NIPBL: variants seen among roughly 807,000 people sequenced by gnomAD.
NIPBL encodes the protein nipped-B-like protein.
Under a neutral mutation model 321.8 loss-of-function variants are expected in NIPBL, and 19 were observed. The observed-to-expected ratio is 0.06, with a 90% CI of 0.04 to 0.09. The LOEUF is 0.09. NIPBL is among the 10% of genes least tolerant of loss of function. The probability of loss-of-function intolerance (pLI) is 1.00; values close to 1 mark genes in which losing one functional copy is unlikely to be tolerated. For synonymous variants in NIPBL, 1,106 were observed against 1,114.1 expected, an observed-to-expected ratio of 0.99 and a Z score of 0.14; for missense variants, 2,210 against 3,327.0, an observed-to-expected ratio of 0.66 and a Z score of 8.26.
At chr5:37,016,892 A>G (rs1327947509) in intron 23 of NIPBL, 127 bp from the exon 24 acceptor site, 7 of 675,368 alleles carry the variant, frequency 1.0e-5, no homozygotes, top group Non-Finnish European at 1.4e-5. Flanking sequence ...TTATGGGACA[A>G]TATCACAGGA....
rs1741603728 is a variant in NIPBL at position 36,961,365 on chromosome 5, A to T, written c.359-119A>T. The T allele has an allele frequency of 9.8e-6, 7 of 712,482 alleles. No individual in the cohort carries two copies. In the South Asian group the frequency reaches 1.1e-4, roughly 11 times the overall value. 44.1% of individuals were successfully genotyped at this position (712,482 alleles called of 1,614,324 possible). ...CAGCGTCTATATTTTGCTCTTTGAA[A>T]TGAAAACATTGATCAAAAAAATCTC... is the stretch of plus-strand genomic sequence containing the variant. On this transcript the variant is annotated intron_variant, in intron 4 of 46. Transcript: ENST00000282516.
rs761889572 is a variant in NIPBL at position 37,058,877 on chromosome 5, A to AT, written c.7411-8dup. On this transcript the variant is annotated splice_polypyrimidine_tract_variant and intron_variant, in intron 43 of 46. Coordinates refer to ENST00000282516, the MANE Select transcript of NIPBL (RefSeq NM_133433.4). ...TTTTGTTTTTATTGTTTATCAAACG[A>AT]TTTTTTCTTTCAGTCTATGGTAAAG... The AT allele has an allele frequency of 2.8e-5, 45 of 1,613,000 alleles. 1 individual carries two copies. In the South Asian group the frequency reaches 3.6e-4, roughly 13 times the overall value.
intron 10 of NIPBL, among the ~76,000 whole-genome samples, chr5:36,991,212 A>G (rs999569937): frequency 1.3e-5 from 2 of 152,128 alleles, no homozygotes; most frequent in African/African-American, 4.8e-5. Context: ...GAGAACTAAT[A>G]TCAAAACCCT....
chr5:36,960,195 T>C (rs1247950982), intron 4 of NIPBL, among the ~76,000 whole-genome samples: 1 of 152,174 alleles, frequency 6.6e-6, no homozygotes, highest in Non-Finnish European at 1.5e-5. Flanking sequence ...CATAGTTCTT[T>C]GGAACTTAGA....
Position 36,950,067 on chromosome 5 carries a change from AAC to A in NIPBL, c.-79-3549_-79-3548del, listed in dbSNP as rs1740100153. Among the ~76,000 whole-genome samples the A allele has an allele frequency of 2.0e-5, 3 of 152,130 alleles. No homozygotes were observed. The South Asian group carries it at 6.2e-4, about 32-fold the overall frequency. On this transcript the variant is annotated intron_variant, in intron 1 of 46. Coordinates refer to ENST00000282516, the MANE Select transcript of NIPBL (RefSeq NM_133433.4). ...TGTTCGATTTAGTTCTTAGTATTAC[AAC>A]AGTTAAATTTTTTTCTGCTTTCTGT... is the stretch of plus-strand genomic sequence containing the variant.
intron 2 of NIPBL, 111 bp from the exon 3 acceptor site, chr5:36,955,360 TA>T: frequency 4.3e-6 from 4 of 921,758 alleles, no homozygotes; most frequent in Non-Finnish European, 7.0e-6. Context: ...TGCCTTTTAA[TA>T]ATTTGTCACA....
chr5:36,979,758 A>G (rs941596448), intron 9 of NIPBL, among the ~76,000 whole-genome samples: 10 of 151,756 alleles, frequency 6.6e-5, no homozygotes, highest in African/African-American at 2.4e-4. Context: ...TTATAAAAGT[A>G]TACGCATATC....
In NIPBL at chr5:36,985,335, G is replaced by A; in HGVS notation, c.2155G>A (p.Asp719Asn). Residue 719 changes from aspartate to asparagine, a missense_variant, in exon 10 of 47, where the codon GAT becomes AAT. Asp to Asn is a conservative substitution (Grantham distance 23). This residue lies in a region of NIPBL where 588 missense variants were observed against 564.1 expected (regional missense o/e 1.04). Transcript: ENST00000282516. Reference sequence around the variant, plus strand: ...GCCTGAGACTCCAAAACAAAAGAGTGATGGGCATCCTGAAACCCCAAAACA... The same window carrying A: ...GCCTGAGACTCCAAAACAAAAGAGTAATGGGCATCCTGAAACCCCAAAACA... ...SRPETPKQKS[D>N]GHPETPKQKG... is the part of the protein sequence containing the mutation. 6.2e-7 allele frequency: 1 copy of A among 1,613,692 alleles called. No homozygotes were observed. The highest frequency in any genetic ancestry group is 8.5e-7 in the Non-Finnish European group (1 of 1,179,932).
At chr5:36,966,521 T>C (rs1375730934) in intron 6 of NIPBL, among the ~76,000 whole-genome samples, 2 of 152,050 alleles carry the variant, frequency 1.3e-5, no homozygotes, top group Non-Finnish European at 2.9e-5. Flanking sequence ...AACCTCTCTT[T>C]ATTGTAAAAG....
intron 32 of NIPBL, 100 bp downstream of exon 32, chr5:37,027,512 T>A: frequency 2.4e-6 from 2 of 836,826 alleles, no homozygotes. Context: ...AAAAGAACCT[T>A]TTTAGTTCTT....
At chr5:37,046,065 A>T (rs534509746) in intron 37 of NIPBL, 44 bp from the exon 38 acceptor site, 15 of 960,180 alleles carry the variant, frequency 1.6e-5, no homozygotes, top group Non-Finnish European at 2.4e-5. Context: ...AAATTAATCT[A>T]AGTTACTGTT....
At chr5:37,034,828 A>G (rs1353535550) in intron 32 of NIPBL, among the ~76,000 whole-genome samples, 3 of 152,204 alleles carry the variant, frequency 2.0e-5, no homozygotes, top group Non-Finnish European at 4.4e-5. Context: ...TTGGATTCAA[A>G]GTATGCCATT....
intron 1 of NIPBL, among the ~76,000 whole-genome samples, chr5:36,931,499 A>G (rs188868095): frequency 3.3e-5 from 5 of 151,840 alleles, no homozygotes; most frequent in Middle Eastern, 3.4e-3. Flanking sequence ...TGTATTTTCT[A>G]TAGAGACGAG....
At chr5:36,909,006 A>G (rs190731790) in intron 1 of NIPBL, among the ~76,000 whole-genome samples, 25 of 152,316 alleles carry the variant, frequency 1.6e-4, no homozygotes, top group African/African-American at 5.5e-4. Context: ...CTGTTTTTCT[A>G]GACTTCTTAA....
At chr5:36,917,799 G>C (rs1412227616) in intron 1 of NIPBL, among the ~76,000 whole-genome samples, 1 of 152,104 alleles carries the variant, frequency 6.6e-6, no homozygotes, top group Non-Finnish European at 1.5e-5. Context: ...CCCATTTCTT[G>C]TTTTTGTCAG....
At chr5:36,967,003 T>C (rs1363881587) in intron 6 of NIPBL, among the ~76,000 whole-genome samples, 4 of 151,898 alleles carry the variant, frequency 2.6e-5, no homozygotes, top group South Asian at 2.1e-4. Context: ...AACATAAATA[T>C]ATAAATTACA....
intron 23 of NIPBL, 22 bp from the exon 24 acceptor site, chr5:37,016,997 C>G (rs750071488): frequency 1.3e-6 from 2 of 1,519,650 alleles, no homozygotes; most frequent in Non-Finnish European, 1.8e-6. Flanking sequence ...TCTATTCAAT[C>G]AAAAACTATT....
intron 45 of NIPBL, among the ~76,000 whole-genome samples, chr5:37,062,714 A>C (rs1331481600): frequency 2.0e-5 from 3 of 152,134 alleles, no homozygotes; most frequent in Non-Finnish European, 4.4e-5. Flanking sequence ...GAGTCCAGGA[A>C]GTCCAGGCCA....
In NIPBL at chr5:37,066,260, G is replaced by T. The variant is rs1277922514; in HGVS notation, c.*1368G>T. ...TTCAAGTTTAATTCTTTTTAAAAAT[G>T]TTTTACTTATTTTTAAATCACTTTG... On this transcript the variant is annotated 3_prime_UTR_variant, in exon 47 of 47. Coordinates refer to ENST00000282516, the MANE Select transcript of NIPBL (RefSeq NM_133433.4). 6.6e-6 allele frequency: 1 copy of T among 152,054 alleles called. No individual in the cohort carries two copies. The highest frequency in any genetic ancestry group is 1.5e-5 in the Non-Finnish European group (1 of 67,978). 9.4% of individuals were successfully genotyped at this position (152,054 alleles called of 1,614,324 possible).
Sources: allele counts gnomAD v4.1 joint callset (sites outside exome capture counted in the v4.1 genomes callset), GRCh38; gene constraint gnomAD v4.1.1; regional missense constraint gnomAD v4.1.1; transcripts MANE v1.5; gene names NCBI Gene and HGNC (gene_info 2026-07-23, HGNC 2026-07-21).